NIPA2: variants seen among roughly 807,000 people sequenced by gnomAD.
NIPA2 encodes NIPA magnesium transporter 2, also known as magnesium transporter NIPA2.
A neutral mutation model predicts 29.7 loss-of-function variants in NIPA2; 11 were observed. The observed-to-expected ratio is 0.37, with a 90% CI of 0.23 to 0.61. The LOEUF is 0.61. Among genes scored for constraint, NIPA2 ranks in the 20% least tolerant of loss-of-function variants. NIPA2 has a pLI of 0.66. For synonymous variants in NIPA2, 183 were observed against 161.9 expected (o/e 1.13, Z -0.99); for missense variants, 426 against 437.9 (o/e 0.97, Z 0.24).
At chr15:22,847,488 G>T (rs560802665) in intron 3 of NIPA2, among the ~76,000 whole-genome samples, 1 of 150,792 alleles carries the variant, frequency 6.6e-6, no homozygotes, top group Non-Finnish European at 1.5e-5. Flanking sequence ...TTTCCGAGAC[G>T]GAGTCTTGCT....
At chr15:22,866,139 A>G (rs2059049078) in intron 7 of NIPA2, 74 bp from the exon 8 acceptor site, 5 of 1,205,920 alleles carry the variant, frequency 4.1e-6, no homozygotes, top group African/African-American at 3.0e-5. Flanking sequence ...CAAGTTTATT[A>G]TATTTTGTTT....
Position 22,866,745 on chromosome 15 carries a change from G to T in NIPA2, c.981G>T (p.Met327Ile). Residue 327 changes from methionine to isoleucine, a missense_variant, in exon 8 of 8, where the codon ATG (methionine) becomes ATT (isoleucine). Physicochemically the swap from Met to Ile is conservative, Grantham distance 10. Transcript: ENST00000337451. Reference protein sequence around the residue: ...EKAMNGNLSNMYEVLNNNEES... With the variant: ...EKAMNGNLSNIYEVLNNNEES... ...CAATGAATGGCAATCTCTCTAATATGTATGAAGTTCTTAATAATAATGAAG... is the reference window on the plus strand; with the variant it reads ...CAATGAATGGCAATCTCTCTAATATTTATGAAGTTCTTAATAATAATGAAG... 6.2e-7 allele frequency: 1 copy of T among 1,613,812 alleles called. No homozygotes were observed. The highest frequency in any genetic ancestry group is 8.5e-7 in the Non-Finnish European group (1 of 1,179,764).
chr15:22,853,743 A>G (rs1286616122), intron 5 of NIPA2, among the ~76,000 whole-genome samples: 2 of 152,162 alleles, frequency 1.3e-5, no homozygotes. Flanking sequence ...TAATAAAGGC[A>G]TGCAATTCAT....
chr15:22,865,018 C>T (rs1430933299), intron 7 of NIPA2, among the ~76,000 whole-genome samples: 2 of 151,996 alleles, frequency 1.3e-5, no homozygotes, highest in Admixed American at 6.5e-5. Context: ...TCTGCCACCA[C>T]GCCTGGCTAA....
In NIPA2 at chr15:22,847,405, A is replaced by G. The variant is rs573943898; in HGVS notation, c.-94+2138A>G. On this transcript the variant is annotated intron_variant, in intron 3 of 7. Coordinates refer to ENST00000337451, the MANE Select transcript of NIPA2 (RefSeq NM_030922.7). ...CAAGTAGTCACTTCCACAGCAGTAG[A>G]ACTTGCATGATAATTAAGAACATTG... Among the ~76,000 whole-genome samples the G allele has an allele frequency of 7.2e-5, 11 of 152,350 alleles. No individual in the cohort carries two copies. In the South Asian group the frequency reaches 2.3e-3, roughly 32 times the overall value.
intron 1 of NIPA2, chr15:22,839,317 C>T (rs2140916493): frequency 6.6e-6 from 1 of 152,284 alleles, no homozygotes; most frequent in South Asian, 2.1e-4. Context: ...CCTCTCTATA[C>T]AATTGCTCAA....
At chr15:22,850,592 ATC>A (rs1187180825) in intron 3 of NIPA2, among the ~76,000 whole-genome samples, 1 of 152,210 alleles carries the variant, frequency 6.6e-6, no homozygotes, top group Non-Finnish European at 1.5e-5. Context: ...TTATTTAACT[ATC>A]TCTTGTCTGT....
chr15:22,855,667 A>G (rs2058125405), intron 5 of NIPA2, among the ~76,000 whole-genome samples: 1 of 152,126 alleles, frequency 6.6e-6, no homozygotes, highest in South Asian at 2.1e-4. Context: ...GTGAAGTCGG[A>G]AGGAGTGTTG....
chr15:22,862,373 T>C (rs1211235195), intron 7 of NIPA2, among the ~76,000 whole-genome samples: 4 of 152,144 alleles, frequency 2.6e-5, no homozygotes, highest in African/African-American at 4.8e-5. Flanking sequence ...TGTCTGACTC[T>C]TGGGAACTGA....
intron 2 of NIPA2, among the ~76,000 whole-genome samples, chr15:22,841,451 T>C (rs1411970693): frequency 6.6e-6 from 1 of 152,200 alleles, no homozygotes; most frequent in African/African-American, 2.4e-5. Flanking sequence ...GTTGCAGATC[T>C]GTTCCTTGCC....
chr15:22,842,697 C>T (rs1325444670), intron 2 of NIPA2, among the ~76,000 whole-genome samples: 2 of 152,096 alleles, frequency 1.3e-5, no homozygotes, highest in Non-Finnish European at 1.5e-5. Flanking sequence ...GGCGTGGTTG[C>T]AGGCACCTGT....
chr15:22,862,045 C>G (rs1257721917), intron 7 of NIPA2, among the ~76,000 whole-genome samples: 1 of 25,966 alleles, frequency 3.9e-5, no homozygotes, highest in Non-Finnish European at 7.4e-5. Context: ...CCTGATGGGT[C>G]TCTCTTTTTT....
intron 3 of NIPA2, among the ~76,000 whole-genome samples, chr15:22,849,797 T>C (rs559588438): frequency 2.6e-5 from 4 of 152,082 alleles, no homozygotes; most frequent in African/African-American, 9.6e-5. Context: ...CTCCTGACCT[T>C]GTGATCCACC....
At chr15:22,853,354 G>A in intron 5 of NIPA2, 86 bp downstream of exon 5, 1 of 624,222 alleles carries the variant, frequency 1.6e-6, no homozygotes, top group South Asian at 2.1e-5. Context: ...TTACTAGCAA[G>A]TTTTAAAGGT....
At chr15:22,860,555 T>C (rs558148051) in intron 6 of NIPA2, 74 bp from the exon 7 acceptor site, 1 of 986,022 alleles carries the variant, frequency 1.0e-6, no homozygotes, top group South Asian at 1.7e-5. Flanking sequence ...TGATTTAAAT[T>C]ACGAGTTTTA....
chr15:22,848,820 T>C (rs766247341), intron 3 of NIPA2, among the ~76,000 whole-genome samples: 247 of 65,828 alleles, frequency 3.8e-3, no homozygotes, highest in Non-Finnish European at 4.2e-3. Context: ...GCAAGACTCT[T>C]GTCTCAAAAA....
At chr15:22,863,919 G>A (rs1257803988) in intron 7 of NIPA2, among the ~76,000 whole-genome samples, 2 of 152,088 alleles carry the variant, frequency 1.3e-5, no homozygotes, top group Non-Finnish European at 2.9e-5. Flanking sequence ...TTTGTTTGGG[G>A]TTTTTTGTTG....
At chr15:22,843,524 C>T (rs997798550) in intron 2 of NIPA2, among the ~76,000 whole-genome samples, 7 of 151,004 alleles carry the variant, frequency 4.6e-5, no homozygotes, top group Non-Finnish European at 8.8e-5. Flanking sequence ...AAAAAAATCT[C>T]TGGACCTGGT....
chr15:22,856,513 A>G lies in NIPA2; in HGVS notation c.197-2027A>G, dbSNP rs565728778. Among the ~76,000 whole-genome samples, 4 of 152,232 alleles carry G rather than the reference A, an allele frequency of 2.6e-5. No homozygotes were observed. In the South Asian group the frequency reaches 8.3e-4, roughly 32 times the overall value. On this transcript the variant is annotated intron_variant, in intron 5 of 7. Coordinates refer to ENST00000337451, the MANE Select transcript of NIPA2 (RefSeq NM_030922.7). Reference sequence around the variant, plus strand: ...AATTCCTTGATTGAATTTTAACAGTAACCATATTTAAAAGACATTTTGGGA... The same window carrying G: ...AATTCCTTGATTGAATTTTAACAGTGACCATATTTAAAAGACATTTTGGGA...
Sources: allele counts gnomAD v4.1 joint callset (sites outside exome capture counted in the v4.1 genomes callset), GRCh38; gene constraint gnomAD v4.1.1; transcripts MANE v1.5; gene names NCBI Gene and HGNC (gene_info 2026-07-23, HGNC 2026-07-21).